Variants in ATP2C2 observed in about 807,000 individuals in gnomAD.
ATP2C2 encodes the protein calcium-transporting ATPase type 2C member 2.
A neutral mutation model predicts 110.8 loss-of-function variants in ATP2C2; 171 were observed. The ratio of observed to expected loss-of-function variants is 1.54; its 90% confidence interval spans 1.36 to 1.75. The LOEUF is 1.75. Ranked by LOEUF, ATP2C2 falls within the 40% of genes most tolerant of loss-of-function variation. The pLI, the probability that ATP2C2 is intolerant of heterozygous loss-of-function variation, is 0.00. For missense variants in ATP2C2, 1,963 were observed against 1,235.0 expected (o/e 1.59, Z -8.84); for synonymous variants, 804 against 508.4 (o/e 1.58, Z -7.82).
chr16:84,459,529 G>C (rs1364451872), intron 23 of ATP2C2, 143 bp downstream of exon 23: 4 of 1,550,948 alleles, frequency 2.6e-6, no homozygotes, highest in Admixed American at 1.9e-5. Context: ...ACTGAAGTGT[G>C]TTGCACTGCA....
intron 11 of ATP2C2, among the ~76,000 whole-genome samples, chr16:84,431,628 T>G: frequency 6.6e-6 from 1 of 150,578 alleles, no homozygotes; most frequent in African/African-American, 2.5e-5. Flanking sequence ...AGGCAAAGGT[T>G]TGGGGGTGGG....
intron 1 of ATP2C2, among the ~76,000 whole-genome samples, chr16:84,383,141 C>T (rs528814046): frequency 6.6e-6 from 1 of 152,296 alleles, no homozygotes; most frequent in East Asian, 1.9e-4. Flanking sequence ...GCTCAGTGGC[C>T]TACTGCTTTC....
rs773744684 is a variant in ATP2C2 at position 84,415,590 on chromosome 16, AG to A, written c.624+1del. 1.2e-6 allele frequency: 2 copies of A among 1,609,932 alleles called. No individual in the cohort carries two copies. Among genetic ancestry groups the A allele is most frequent in the Admixed American group, 3.3e-5 (2 of 59,780 alleles). ...ATCCCTGCAGACATCCGACTCACTGAGGTGAGTGGTTCCAAACCCTTGTCAA... is the reference window on the plus strand; with the variant it reads ...ATCCCTGCAGACATCCGACTCACTGAGTGAGTGGTTCCAAACCCTTGTCAA... ...DRIPADIRLTEVTDLLVDESS... is the reference protein window; with the variant it reads ...DRIPADIRLTXVTDLLVDESS... On this transcript the variant is annotated frameshift_variant and splice_region_variant, in exon 7 of 27. Coordinates refer to ENST00000262429, the MANE Select transcript of ATP2C2 (RefSeq NM_014861.4). LOFTEE classifies it high-confidence loss of function.
chr16:84,446,350 A>C lies in ATP2C2; in HGVS notation c.1423A>C (p.Asn475His), dbSNP rs373084841. 1.3e-6 allele frequency: 2 copies of C among 1,593,118 alleles called. No individual in the cohort carries two copies. The highest frequency in any genetic ancestry group is 1.7e-6 in the Non-Finnish European group (2 of 1,171,856). Residue 475 changes from asparagine to histidine, a missense_variant, in exon 16 of 27, where the codon AAT becomes CAT. Coordinates refer to ENST00000262429, the MANE Select transcript of ATP2C2 (RefSeq NM_014861.4). The stretch of plus-strand genomic sequence containing the variant: ...CTAGATGGACTTAAGTGATATTAAA[A>C]ATTCATATATAAGAAAAAAAGAGAT... ...AMKMDLSDIK[N>H]SYIRKKEIPF...
At chr16:84,431,049 A>G (rs1361471383) in intron 11 of ATP2C2, among the ~76,000 whole-genome samples, 1 of 152,160 alleles carries the variant, frequency 6.6e-6, no homozygotes, top group Non-Finnish European at 1.5e-5. Context: ...TTACATCAAA[A>G]GTGCTGATCC....
intron 2 of ATP2C2, among the ~76,000 whole-genome samples, chr16:84,399,463 T>C (rs949336113): frequency 2.6e-5 from 4 of 152,248 alleles, no homozygotes; most frequent in Admixed American, 2.6e-4. Flanking sequence ...TTTCTTGTTA[T>C]TGGCTTTTTA....
Position 84,398,563 on chromosome 16 carries a change from A to T in ATP2C2, c.164A>T (p.Lys55Met), listed in dbSNP as rs139857494. 6.2e-7 allele frequency: 1 copy of T among 1,613,610 alleles called. No homozygotes were observed. The highest frequency in any genetic ancestry group is 1.3e-5 in the African/African-American group (1 of 74,984). ...AAGAAGGTGACAGCCCTGCCCCCCA[A>T]GGAAGCGTGCAAATGCCAGAAAGAG... ...KEKKVTALPP[K>M]EACKCQKEDL... Residue 55 changes from lysine to methionine, a missense_variant, in exon 2 of 27, where the codon AAG (lysine) becomes ATG (methionine). Transcript: ENST00000262429.
chr16:84,426,126 G>A (rs1234093200), intron 11 of ATP2C2: 7 of 272,292 alleles, frequency 2.6e-5, no homozygotes, highest in Admixed American at 9.2e-5. Context: ...TCTACAGGCC[G>A]TACAGGAAGC....
chr16:84,463,745 C>G lies in ATP2C2; in HGVS notation c.*13C>G, dbSNP rs201001291. On this transcript the variant is annotated 3_prime_UTR_variant, in exon 27 of 27. Transcript: ENST00000262429. ...TGAAGATGTGTAGTGGACCGCACTC[C>G]GCGGCACCTTCCCTAATCATCTCGA... The G allele has an allele frequency of 6.9e-6, 11 of 1,590,432 alleles. No individual in the cohort carries two copies. The African/African-American group carries it at 8.2e-5, about 12-fold the overall frequency.
chr16:84,370,087 T>G (rs532533147), intron 1 of ATP2C2, among the ~76,000 whole-genome samples: 1 of 152,222 alleles, frequency 6.6e-6, no homozygotes, highest in Non-Finnish European at 1.5e-5. Context: ...TTTCAAACTC[T>G]CCTGGTGTGT....
At position 84,463,662 on chromosome 16, in the gene ATP2C2, A is replaced by C; in HGVS notation, c.2771A>C (p.Glu924Ala). 1 of 1,614,158 alleles carries C rather than the reference A, an allele frequency of 6.2e-7. No individual in the cohort carries two copies. The highest frequency in any genetic ancestry group is 1.7e-5 in the Admixed American group (1 of 60,024). ...GLASSVFILS[E>A]LLKLCEKYCC... Reference sequence around the variant, plus strand: ...GCCTCATCCGTCTTCATTTTGTCAGAGCTCCTCAAACTATGTGAAAAATAC... The same window carrying C: ...GCCTCATCCGTCTTCATTTTGTCAGCGCTCCTCAAACTATGTGAAAAATAC... The change falls in exon 27 of 27, where the codon GAG (glutamate) becomes GCG (alanine). Residue 924 changes from glutamate (E) to alanine (A), a missense_variant. Physicochemically the swap from Glu to Ala is moderately radical, Grantham distance 107. Coordinates refer to ENST00000262429, the MANE Select transcript of ATP2C2 (RefSeq NM_014861.4).
At chr16:84,398,433 AT>A in intron 1 of ATP2C2, 65 bp from the exon 2 acceptor site, 1 of 981,246 alleles carries the variant, frequency 1.0e-6, no homozygotes, top group African/African-American at 1.7e-5. Context: ...AAAATAAAAA[AT>A]AAATTTAAAA....
At chr16:84,394,012 AAAAAAAT>A (rs1567692255) in intron 1 of ATP2C2, among the ~76,000 whole-genome samples, 6 of 97,536 alleles carry the variant, frequency 6.2e-5, no homozygotes, top group East Asian at 2.5e-4. Context: ...CAAAAAAAAT[AAAAAAAT>A]AAAAAATAAA....
rs117461195 is a variant in ATP2C2, at chr16:84,397,804, G to T, written c.100-695G>T. Among the ~76,000 whole-genome samples the T allele has an allele frequency of 2.6e-5, 4 of 151,718 alleles. 1 individual carries two copies. Among genetic ancestry groups the T allele is most frequent in the African/African-American group, 7.3e-5 (3 of 41,102 alleles). On this transcript the variant is annotated intron_variant, in intron 1 of 26. Coordinates refer to ENST00000262429, the MANE Select transcript of ATP2C2 (RefSeq NM_014861.4). ...ATACTAAGCTGCTGTGAAAATTAGC[G>T]TACTGTTGCTACATGCATTCTCACT...
At chr16:84,368,790 G>C (rs1432510906) in intron 1 of ATP2C2, 76 bp downstream of exon 1, 1 of 1,259,362 alleles carries the variant, frequency 7.9e-7, no homozygotes, top group African/African-American at 1.6e-5. Context: ...CCCGGCCCGA[G>C]ACCCCGCGTT....
At chr16:84,390,382 T>G (rs1224156515) in intron 1 of ATP2C2, among the ~76,000 whole-genome samples, 1 of 152,168 alleles carries the variant, frequency 6.6e-6, no homozygotes, top group Non-Finnish European at 1.5e-5. Context: ...CTCTGGTAGG[T>G]TAAACGTCAG....
Position 84,393,360 on chromosome 16 carries a change from G to A in ATP2C2, c.100-5139G>A, listed in dbSNP as rs1482013671. 5.3e-5 allele frequency among the ~76,000 whole-genome samples: 8 copies of A among 152,188 alleles called. No homozygotes were observed. The East Asian group carries it at 1.4e-3, about 26-fold the overall frequency. On this transcript the variant is annotated intron_variant, in intron 1 of 26. Coordinates refer to ENST00000262429, the MANE Select transcript of ATP2C2 (RefSeq NM_014861.4). Reference sequence around the variant, plus strand: ...CAAATGCAGGGCGAGGAGTGGCAGCGTCCACGAGCTCAGTCACCAACCCAG... The same window carrying A: ...CAAATGCAGGGCGAGGAGTGGCAGCATCCACGAGCTCAGTCACCAACCCAG...
At chr16:84,400,824 G>A (rs1191460588) in intron 2 of ATP2C2, among the ~76,000 whole-genome samples, 1 of 152,150 alleles carries the variant, frequency 6.6e-6, no homozygotes, top group Non-Finnish European at 1.5e-5. Context: ...ATCACAGATG[G>A]TGAGCACCTT....
chr16:84,409,037 C>G (rs1051798285), intron 4 of ATP2C2, among the ~76,000 whole-genome samples: 8 of 152,154 alleles, frequency 5.3e-5, no homozygotes, highest in Non-Finnish European at 2.9e-5. Context: ...CCTGTCCCCG[C>G]TCCTACCAGC....
Sources: gnomAD v4.1 joint callset for allele counts (sites outside exome capture counted in the v4.1 genomes callset) on GRCh38, gnomAD v4.1.1 for gene constraint, MANE v1.5 for transcripts, NCBI Gene and HGNC (gene_info 2026-07-23, HGNC 2026-07-21) for gene names.